VSNL1: variants seen among roughly 807,000 people sequenced by gnomAD.
The protein encoded by VSNL1 is visinin-like protein 1.
Under a neutral mutation model 20.4 loss-of-function variants are expected in VSNL1, and 6 were observed. That is an observed-to-expected ratio of 0.29 (90% confidence interval 0.16 to 0.58). VSNL1 has a LOEUF of 0.58. Ranked by LOEUF, VSNL1 falls within the 20% of genes least tolerant of loss-of-function variation. The probability of loss-of-function intolerance (pLI) is 0.90; values close to 1 mark genes in which losing one functional copy is unlikely to be tolerated. For synonymous variants in VSNL1, 93 were observed against 86.4 expected (o/e 1.08, Z -0.42); for missense variants, 100 against 234.5 (o/e 0.43, Z 3.75).
chr2:17,587,298 G>A (rs1192852485), intron 1 of VSNL1, among the ~76,000 whole-genome samples: 1 of 149,310 alleles, frequency 6.7e-6, no homozygotes, highest in Admixed American at 6.7e-5. Flanking sequence ...ACCCTGGTAT[G>A]TTCTGGAAGA....
At chr2:17,622,402 G>T (rs1665382326) in intron 2 of VSNL1, among the ~76,000 whole-genome samples, 1 of 151,134 alleles carries the variant, frequency 6.6e-6, no homozygotes, top group Admixed American at 6.6e-5. Flanking sequence ...GGAGGCTGAG[G>T]CAGGAGAATC....
At chr2:17,561,075 A>T (rs1663801469) in intron 1 of VSNL1, among the ~76,000 whole-genome samples, 1 of 152,218 alleles carries the variant, frequency 6.6e-6, no homozygotes, top group Non-Finnish European at 1.5e-5. Context: ...AGTGCCTATT[A>T]TGTGTCAAGC....
At chr2:17,584,759 C>T (rs925102922) in intron 1 of VSNL1, among the ~76,000 whole-genome samples, 1 of 152,112 alleles carries the variant, frequency 6.6e-6, no homozygotes. Flanking sequence ...GTCTCAGTAC[C>T]CAAGGATCAC....
intron 1 of VSNL1, among the ~76,000 whole-genome samples, chr2:17,576,808 A>G (rs1664226503): frequency 6.6e-6 from 1 of 152,158 alleles, no homozygotes; most frequent in South Asian, 2.1e-4. Flanking sequence ...CAGGTTAAAC[A>G]TACTTCTATC....
chr2:17,544,066 G>A (rs1396245803), intron 1 of VSNL1, among the ~76,000 whole-genome samples: 1 of 152,194 alleles, frequency 6.6e-6, no homozygotes, highest in Non-Finnish European at 1.5e-5. Context: ...GAGGCATTAG[G>A]AAAGGAGGAG....
chr2:17,575,955 A>G (rs139109880), intron 1 of VSNL1, among the ~76,000 whole-genome samples: 2,150 of 152,204 alleles, frequency 0.014, 30 homozygotes, highest in South Asian at 0.043. Flanking sequence ...TTATAGGAAT[A>G]TGCTTATCAT....
At chr2:17,574,593 G>C (rs973390287) in intron 1 of VSNL1, among the ~76,000 whole-genome samples, 2 of 152,128 alleles carry the variant, frequency 1.3e-5, no homozygotes, top group African/African-American at 4.8e-5. Context: ...TTTAATAAAG[G>C]TGTCCATACA....
Position 17,655,145 on chromosome 2 carries a change from T to A in VSNL1, c.379-52T>A. On this transcript the variant is annotated intron_variant, in intron 3 of 3. Coordinates refer to ENST00000295156, the MANE Select transcript of VSNL1 (RefSeq NM_003385.5). The surrounding 1 kb of genome is among the most constrained non-coding windows in gnomAD (Gnocchi z 5.2). ...GGTGAAAGGGAGGCAAGAAGAGCTC[T>A]CTGTCCTCCTGGGTTTCTGGTAATA... 6.3e-7 allele frequency: 1 copy of A among 1,588,488 alleles called. No individual in the cohort carries two copies. Among genetic ancestry groups the A allele is most frequent in the South Asian group, 1.1e-5 (1 of 88,938 alleles).
intron 2 of VSNL1, among the ~76,000 whole-genome samples, chr2:17,622,575 AGAAAGAAAG>A (rs1359806341): frequency 1.4e-5 from 2 of 139,664 alleles, no homozygotes; most frequent in African/African-American, 5.0e-5. Flanking sequence ...AAAGAAAGAA[AGAAAGAAAG>A]AAAGAAAGAA....
intron 1 of VSNL1, among the ~76,000 whole-genome samples, chr2:17,564,279 A>G (rs568790034): frequency 6.6e-6 from 1 of 152,284 alleles, no homozygotes; most frequent in East Asian, 1.9e-4. Flanking sequence ...GAGTCTTTCC[A>G]ATCTAAAATG....
rs1049734686 is a variant in VSNL1, at chr2:17,651,753, T to G, written c.378+2128T>G. 1.6e-4 allele frequency among the ~76,000 whole-genome samples: 24 copies of G among 152,208 alleles called. 1 individual carries two copies. Among genetic ancestry groups the G allele is most frequent in the Admixed American group, 1.6e-3 (24 of 15,290 alleles). On this transcript the variant is annotated intron_variant, in intron 3 of 3. Coordinates refer to ENST00000295156, the MANE Select transcript of VSNL1 (RefSeq NM_003385.5). The stretch of plus-strand genomic sequence containing the variant: ...CTCCCCATCACTTCTAGCTCTTCCT[T>G]TCTTCTATTCAGAGCTTTTATGGAT...
chr2:17,593,251 T>A (rs974564541), intron 2 of VSNL1, among the ~76,000 whole-genome samples: 7 of 152,208 alleles, frequency 4.6e-5, no homozygotes, highest in African/African-American at 1.7e-4. Context: ...GCTGCACTAT[T>A]CACAATGGTA....
At chr2:17,629,363 A>T (rs192848069) in intron 2 of VSNL1, among the ~76,000 whole-genome samples, 6 of 152,356 alleles carry the variant, frequency 3.9e-5, no homozygotes, top group African/African-American at 1.4e-4. Context: ...AGAAGCTTCT[A>T]TGAAGCAACT....
intron 2 of VSNL1, among the ~76,000 whole-genome samples, chr2:17,604,878 G>A (rs1389556283): frequency 2.0e-5 from 3 of 152,188 alleles, no homozygotes; most frequent in African/African-American, 7.2e-5. Flanking sequence ...GATGTGTGGT[G>A]AAGCTATACA....
At chr2:17,581,915 G>C (rs1161651739) in intron 1 of VSNL1, among the ~76,000 whole-genome samples, 1 of 152,188 alleles carries the variant, frequency 6.6e-6, no homozygotes, top group African/African-American at 2.4e-5. Context: ...CACCCTTGAG[G>C]AACCCCCATC....
intron 2 of VSNL1, among the ~76,000 whole-genome samples, chr2:17,602,541 G>C (rs754745396): frequency 1.3e-5 from 2 of 152,264 alleles, no homozygotes; most frequent in South Asian, 2.1e-4. Flanking sequence ...CCAGGAGTTT[G>C]AGACCAGCCT....
intron 1 of VSNL1, among the ~76,000 whole-genome samples, chr2:17,572,307 A>C (rs1238819142): frequency 6.6e-6 from 1 of 152,114 alleles, no homozygotes; most frequent in African/African-American, 2.4e-5. Context: ...TCTGAGTTGG[A>C]GGCACTTGTT....
chr2:17,543,107 C>A (rs746121761), intron 1 of VSNL1, among the ~76,000 whole-genome samples: 35 of 152,196 alleles, frequency 2.3e-4, no homozygotes, highest in Admixed American at 1.6e-3. Flanking sequence ...TATACCACCT[C>A]ATTTCTCTTC....
chr2:17,612,195 C>T (rs1415214891), intron 2 of VSNL1, among the ~76,000 whole-genome samples: 15 of 152,160 alleles, frequency 9.9e-5, no homozygotes, highest in Admixed American at 7.2e-4. Context: ...ATCTCTTTGC[C>T]GCATGGTCCT....
Sources: allele counts gnomAD v4.1 joint callset (sites outside exome capture counted in the v4.1 genomes callset), GRCh38; gene constraint gnomAD v4.1.1; non-coding constraint Gnocchi (gnomAD v3.1); transcripts MANE v1.5; gene names NCBI Gene and HGNC (gene_info 2026-07-23, HGNC 2026-07-21).